GIGYF2: variants seen among roughly 807,000 people sequenced by gnomAD.
GIGYF2 encodes the protein GRB10-interacting GYF protein 2.
A neutral mutation model predicts 208.1 loss-of-function variants in GIGYF2; 25 were observed. The observed-to-expected ratio is 0.12, with a 90% CI of 0.09 to 0.17. The LOEUF (loss-of-function observed/expected upper bound fraction) is 0.17. Among genes scored for constraint, GIGYF2 ranks in the 10% least tolerant of loss-of-function variants. The pLI, the probability that GIGYF2 is intolerant of heterozygous loss-of-function variation, is 1.00. For synonymous variants in GIGYF2, 534 were observed against 543.8 expected (o/e 0.98, Z 0.25); for missense variants, 1,302 against 1,579.4 (o/e 0.82, Z 2.98).
At chr2:232,744,021 A>AT (rs1287141383) in intron 3 of GIGYF2, among the ~76,000 whole-genome samples, 1 of 151,488 alleles carries the variant, frequency 6.6e-6, no homozygotes. Flanking sequence ...AATTTTTTTT[A>AT]TTTTTGGAGA....
chr2:232,715,624 T>G (rs1054437500), intron 2 of GIGYF2, among the ~76,000 whole-genome samples: 1 of 152,132 alleles, frequency 6.6e-6, no homozygotes, highest in East Asian at 1.9e-4. Flanking sequence ...GGTAAAATGT[T>G]TAGTAATAAA....
chr2:232,697,821 C>G (rs1199503458), intron 1 of GIGYF2, among the ~76,000 whole-genome samples: 3 of 152,240 alleles, frequency 2.0e-5, no homozygotes, highest in Admixed American at 6.5e-5. Context: ...CGGGGTGGCC[C>G]GGTAACAGCT....
intron 6 of GIGYF2, among the ~76,000 whole-genome samples, chr2:232,757,124 A>G (rs36007169): frequency 0.32 from 48,196 of 152,058 alleles, 8,012 homozygotes; most frequent in South Asian, 0.62. Context: ...CAAGATTGGC[A>G]TGATCATGAG....
intron 2 of GIGYF2, among the ~76,000 whole-genome samples, chr2:232,716,725 A>G (rs1559379132): frequency 6.6e-6 from 1 of 152,014 alleles, no homozygotes; most frequent in Non-Finnish European, 1.5e-5. Flanking sequence ...TTCTAATCGC[A>G]AAAATTTAAG....
intron 9 of GIGYF2, 26 bp downstream of exon 9, chr2:232,787,355 C>T: frequency 6.3e-7 from 1 of 1,591,768 alleles, no homozygotes; most frequent in Non-Finnish European, 8.6e-7. Context: ...AGTAAAGGCA[C>T]ACAGGGACTG....
chr2:232,705,351 A>G (rs982768700), intron 2 of GIGYF2: 3 of 152,214 alleles, frequency 2.0e-5, no homozygotes, highest in African/African-American at 7.2e-5. Flanking sequence ...GAATTATTAG[A>G]TAATACTAAA....
At chr2:232,773,933 A>G (rs1699393078) in intron 8 of GIGYF2, among the ~76,000 whole-genome samples, 1 of 143,948 alleles carries the variant, frequency 6.9e-6, no homozygotes, top group Non-Finnish European at 1.5e-5. Flanking sequence ...AAAAAAAAAA[A>G]GGTGTCTTAA....
rs192563618 is a variant in GIGYF2 at position 232,703,724 on chromosome 2, A to G, written c.-44+235A>G. Reference sequence around the variant, plus strand: ...CTGTCATAATAATTTTTTGTTGGCAAGAAACAAGGAGGAATGCTTTGGAGG... The same window carrying G: ...CTGTCATAATAATTTTTTGTTGGCAGGAAACAAGGAGGAATGCTTTGGAGG... On this transcript the variant is annotated intron_variant, in intron 2 of 28. Transcript: ENST00000373563. 1.2e-4 allele frequency among the ~76,000 whole-genome samples: 18 copies of G among 152,316 alleles called. No homozygotes were observed. In the East Asian group the frequency reaches 2.9e-3, roughly 24 times the overall value.
intron 8 of GIGYF2, among the ~76,000 whole-genome samples, chr2:232,762,955 G>A (rs955208663): frequency 3.3e-5 from 5 of 151,994 alleles, no homozygotes; most frequent in Non-Finnish European, 7.4e-5. Flanking sequence ...CCAAGAAGTC[G>A]AGGCTGCAGT....
chr2:232,816,899 T>C lies in GIGYF2; in HGVS notation c.2237T>C (p.Met746Thr). 7.4e-6 allele frequency: 12 copies of C among 1,612,942 alleles called. No individual in the cohort carries two copies. The highest frequency in any genetic ancestry group is 9.3e-6 in the Non-Finnish European group (11 of 1,179,372). Residue 746 changes from methionine (M) to threonine (T), a missense_variant, in exon 20 of 29, where the codon ATG becomes ACG. Physicochemically the swap from Met to Thr is moderately conservative, Grantham distance 81. Transcript: ENST00000373563. ...GAGCAAGAGAGAAGAGAGGCAGAAATGAGGGCAAAACGGGAAGAGGAAGAG... is the reference window on the plus strand; with the variant it reads ...GAGCAAGAGAGAAGAGAGGCAGAAACGAGGGCAAAACGGGAAGAGGAAGAG... Reference protein sequence around the residue: ...KLEQERREAEMRAKREEEERK... With the variant: ...KLEQERREAETRAKREEEERK...
At position 232,836,344 on chromosome 2, in the gene GIGYF2, AT is replaced by A. The variant is rs1559160834; in HGVS notation, c.2766+3252del. On this transcript the variant is annotated intron_variant, in intron 22 of 28. Coordinates refer to ENST00000373563, the MANE Select transcript of GIGYF2 (RefSeq NM_001103146.3). Reference sequence around the variant, plus strand: ...TATATATATATACATATATATACTTATATATTTATATATATAAATATAAATA... The same window carrying A: ...TATATATATATACATATATATACTTAATATTTATATATATAAATATAAATA... Among the ~76,000 whole-genome samples the A allele has an allele frequency of 7.0e-3, 373 of 52,958 alleles. 24 individuals carry two copies. Among genetic ancestry groups the A allele is most frequent in the Admixed American group, 0.02 (62 of 3,150 alleles). 34.7% of individuals were successfully genotyped at this position (52,958 alleles called of 152,430 possible).
At position 232,814,679 on chromosome 2, in the gene GIGYF2, A is replaced by G. The variant is rs1266747443; in HGVS notation, c.2108-958A>G. 2.0e-5 allele frequency among the ~76,000 whole-genome samples: 3 copies of G among 151,854 alleles called. No individual in the cohort carries two copies. In the South Asian group the frequency reaches 6.2e-4, roughly 32 times the overall value. ...AGAGATAGCTCATTATGTATATGCA[A>G]ATATTTCAAAATCTGAAAAAATCCA... On this transcript the variant is annotated intron_variant, in intron 18 of 28. Transcript: ENST00000373563.
At chr2:232,813,253 G>A (rs762238515) in intron 18 of GIGYF2, among the ~76,000 whole-genome samples, 15 of 148,196 alleles carry the variant, frequency 1.0e-4, no homozygotes, top group South Asian at 2.1e-4. Context: ...GCAGTGGTGC[G>A]TTCTCAGCTC....
intron 2 of GIGYF2, among the ~76,000 whole-genome samples, 199 bp downstream of exon 2, chr2:232,703,688 T>G (rs1438881631): frequency 6.6e-6 from 1 of 152,224 alleles, no homozygotes; most frequent in Non-Finnish European, 1.5e-5. Context: ...GGTGTGAATT[T>G]GTGTCTTAAA....
At chr2:232,821,879 C>T (rs1701091715) in intron 21 of GIGYF2, among the ~76,000 whole-genome samples, 2 of 150,694 alleles carry the variant, frequency 1.3e-5, no homozygotes. Context: ...CCTGTTTTTG[C>T]AAAGTCTTTA....
intron 12 of GIGYF2, among the ~76,000 whole-genome samples, chr2:232,794,538 T>G (rs546260015): frequency 1.3e-5 from 2 of 152,314 alleles, no homozygotes; most frequent in South Asian, 4.1e-4. Flanking sequence ...TAGATACCTT[T>G]TAACTCTTAC....
intron 3 of GIGYF2, among the ~76,000 whole-genome samples, chr2:232,742,871 G>A (rs1373549097): frequency 6.6e-6 from 1 of 152,082 alleles, no homozygotes; most frequent in Non-Finnish European, 1.5e-5. Flanking sequence ...TGATGAGTAG[G>A]GTTAGGGTTT....
chr2:232,768,444 C>A, intron 8 of GIGYF2: 1 of 1,614,144 alleles, frequency 6.2e-7, no homozygotes, highest in Non-Finnish European at 8.5e-7. Flanking sequence ...TTCTCCAGTG[C>A]CCTCCTGCAT....
In GIGYF2 at chr2:232,806,757, T is replaced by C. The variant is rs1388729592; in HGVS notation, c.1806+100T>C. On this transcript the variant is annotated intron_variant, in intron 15 of 28. Transcript: ENST00000373563. This position sits in a 1 kb window ranked among gnomAD's most constrained non-coding sequence, Gnocchi z 4.0. Reference sequence around the variant, plus strand: ...AATATATCATCTAATGAAGGAATTGTAGTTCTTTGAAATTAATGGAAATGG... The same window carrying C: ...AATATATCATCTAATGAAGGAATTGCAGTTCTTTGAAATTAATGGAAATGG... 3 of 863,326 alleles carry C rather than the reference T, an allele frequency of 3.5e-6. No individual in the cohort carries two copies. The highest frequency in any genetic ancestry group is 6.0e-6 in the Non-Finnish European group (3 of 502,774). 53.5% of individuals were successfully genotyped at this position (863,326 alleles called of 1,614,324 possible). A position where few individuals can be genotyped will look rare whatever the true frequency, so the allele number is the denominator to read the frequency against.
Sources: allele counts gnomAD v4.1 joint callset (sites outside exome capture counted in the v4.1 genomes callset), GRCh38; gene constraint gnomAD v4.1.1; non-coding constraint Gnocchi (gnomAD v3.1); transcripts MANE v1.5; gene names NCBI Gene and HGNC (gene_info 2026-07-23, HGNC 2026-07-21).